DPP10: variants seen among roughly 807,000 people sequenced by gnomAD.
DPP10 encodes dipeptidyl peptidase like 10.
DPP10 carries 33 observed loss-of-function variants against 120.9 expected under a neutral mutation model. The observed-to-expected ratio is 0.27, with a 90% confidence interval of 0.21 to 0.37. DPP10 has a LOEUF of 0.37. Among genes scored for constraint, DPP10 ranks in the 10% least tolerant of loss-of-function variants. DPP10 has a pLI of 1.00. For synonymous variants in DPP10, 337 were observed against 326.1 expected (o/e 1.03, Z -0.36); for missense variants, 816 against 942.8 (o/e 0.87, Z 1.76).
intron 1 of DPP10, among the ~76,000 whole-genome samples, chr2:115,019,532 C>T (rs1035468968): frequency 6.6e-6 from 1 of 152,070 alleles, no homozygotes; most frequent in African/African-American, 2.4e-5. Flanking sequence ...CGTTAAACAT[C>T]CAAACCTAAG....
At chr2:115,069,357 A>G (rs1317062991) in intron 1 of DPP10, among the ~76,000 whole-genome samples, 3 of 152,058 alleles carry the variant, frequency 2.0e-5, no homozygotes, top group African/African-American at 7.2e-5. Flanking sequence ...GTGTATAGAA[A>G]TGCCACAGAT....
intron 3 of DPP10, among the ~76,000 whole-genome samples, chr2:115,480,070 T>C (rs1359189659): frequency 2.6e-5 from 4 of 152,084 alleles, no homozygotes; most frequent in Non-Finnish European, 5.9e-5. Context: ...GGGTGTGTGC[T>C]ATAAGGGGGT....
rs1048231517 is a variant in DPP10, at chr2:114,647,600, A to C, written c.60+204762A>C. ...AACAGAAGTACATTTGGGATGCAAA[A>C]CCACTTAATTTCCTGGACAGCCATT... On this transcript the variant is annotated intron_variant, in intron 1 of 25. Transcript: ENST00000410059. 3.9e-5 allele frequency among the ~76,000 whole-genome samples: 6 copies of C among 152,016 alleles called. No homozygotes were observed. The East Asian group carries it at 9.7e-4, about 24-fold the overall frequency.
intron 5 of DPP10, among the ~76,000 whole-genome samples, chr2:115,681,225 T>A (rs915617929): frequency 6.6e-6 from 1 of 151,918 alleles, no homozygotes; most frequent in African/African-American, 2.4e-5. Context: ...CCTAAGCGTA[T>A]GCAAAATATG....
At chr2:115,830,119 G>A (rs1460144372) in intron 21 of DPP10, among the ~76,000 whole-genome samples, 2 of 152,024 alleles carry the variant, frequency 1.3e-5, no homozygotes, top group Non-Finnish European at 2.9e-5. Context: ...ACTTTGGGAG[G>A]CCAAGGTGGG....
At chr2:115,417,577 T>G (rs1337090491) in intron 3 of DPP10, among the ~76,000 whole-genome samples, 1 of 152,128 alleles carries the variant, frequency 6.6e-6, no homozygotes, top group Admixed American at 6.6e-5. Context: ...ATGATGTAGG[T>G]ATGTATGTCA....
chr2:115,416,448 A>G (rs1231090232), intron 3 of DPP10, among the ~76,000 whole-genome samples: 1 of 152,158 alleles, frequency 6.6e-6, no homozygotes, highest in African/African-American at 2.4e-5. Context: ...GCAGGTGGAT[A>G]AGCAATATTG....
rs117391247 is a variant in DPP10 at position 115,428,141 on chromosome 2, C to G, written c.272-71369C>G. On this transcript the variant is annotated intron_variant, in intron 3 of 25. Transcript: ENST00000410059. The stretch of plus-strand genomic sequence containing the variant: ...TGAAACCTCAGCAGCCTGGACTTCA[C>G]TGTCCATATCACTATCAGAATTTTG... 2.6e-3 allele frequency among the ~76,000 whole-genome samples: 401 copies of G among 152,332 alleles called. 10 individuals carry two copies. The East Asian group carries it at 0.064, about 24-fold the overall frequency.
intron 1 of DPP10, among the ~76,000 whole-genome samples, chr2:115,003,928 C>T (rs1204922885): frequency 6.6e-6 from 1 of 152,086 alleles, no homozygotes; most frequent in African/African-American, 2.4e-5. Flanking sequence ...ATAATGCATA[C>T]AGTATTAGTT....
intron 2 of DPP10, among the ~76,000 whole-genome samples, chr2:115,326,494 C>A (rs914087332): frequency 6.6e-6 from 1 of 152,050 alleles, no homozygotes; most frequent in Non-Finnish European, 1.5e-5. Flanking sequence ...TTCCTTCTAC[C>A]TATTAAAACA....
intron 5 of DPP10, among the ~76,000 whole-genome samples, chr2:115,529,544 A>G (rs1157437615): frequency 6.6e-6 from 1 of 152,002 alleles, no homozygotes; most frequent in African/African-American, 2.4e-5. Context: ...TTTACCCCGA[A>G]CAAGGTACTG....
intron 1 of DPP10, among the ~76,000 whole-genome samples, chr2:114,678,866 T>C (rs1233718932): frequency 6.6e-6 from 1 of 152,082 alleles, no homozygotes; most frequent in African/African-American, 2.4e-5. Context: ...TCTAAGAAAA[T>C]TAACTCCATA....
intron 1 of DPP10, among the ~76,000 whole-genome samples, chr2:115,044,120 G>A (rs1336737814): frequency 6.6e-6 from 1 of 151,956 alleles, no homozygotes; most frequent in Non-Finnish European, 1.5e-5. Flanking sequence ...TGTGTATTAG[G>A]CCGTCCTCAC....
intron 1 of DPP10, among the ~76,000 whole-genome samples, chr2:114,941,596 A>G (rs1696901518): frequency 6.6e-6 from 1 of 152,224 alleles, no homozygotes; most frequent in Non-Finnish European, 1.5e-5. Flanking sequence ...TTAAATTTTT[A>G]TATGCAGGAA....
At chr2:115,150,688 C>A (rs1405337774) in intron 1 of DPP10, among the ~76,000 whole-genome samples, 2 of 152,138 alleles carry the variant, frequency 1.3e-5, no homozygotes, top group Admixed American at 1.3e-4. Flanking sequence ...TTATGTCTCT[C>A]CAGTTCTGGA....
chr2:114,682,416 T>C (rs561503727), intron 1 of DPP10, among the ~76,000 whole-genome samples: 1 of 152,088 alleles, frequency 6.6e-6, no homozygotes, highest in Admixed American at 6.6e-5. Flanking sequence ...TTTACCTTCA[T>C]CTTTTCCATT....
At chr2:114,885,350 C>T in intron 1 of DPP10, among the ~76,000 whole-genome samples, 1 of 152,080 alleles carries the variant, frequency 6.6e-6, no homozygotes, top group Admixed American at 6.5e-5. Context: ...GGGGATAATG[C>T]TAAACCATTT....
At chr2:115,270,707 T>C (rs1319658922) in intron 1 of DPP10, among the ~76,000 whole-genome samples, 1 of 152,192 alleles carries the variant, frequency 6.6e-6, no homozygotes, top group Admixed American at 6.5e-5. Context: ...GCAGCAACTA[T>C]GTGAAACACA....
At chr2:114,853,259 A>T (rs1048290393) in intron 1 of DPP10, among the ~76,000 whole-genome samples, 1 of 152,186 alleles carries the variant, frequency 6.6e-6, no homozygotes, top group Non-Finnish European at 1.5e-5. Context: ...GGATGAAAAC[A>T]TATGTAAACA....
Sources: allele counts gnomAD v4.1 joint callset (sites outside exome capture counted in the v4.1 genomes callset), GRCh38; gene constraint gnomAD v4.1.1; transcripts MANE v1.5; gene names NCBI Gene and HGNC (gene_info 2026-07-23, HGNC 2026-07-21).